PTPRN2: variants seen among roughly 807,000 people sequenced by gnomAD.
PTPRN2 encodes receptor-type tyrosine-protein phosphatase N2.
A neutral mutation model predicts 118.8 loss-of-function variants in PTPRN2; 74 were observed. The observed-to-expected ratio is 0.62, with a 90% CI of 0.52 to 0.76. The LOEUF (loss-of-function observed/expected upper bound fraction) is 0.76, where lower values mean the gene tolerates loss of function less well. PTPRN2 is among the 30% of genes least tolerant of loss of function. The probability of loss-of-function intolerance (pLI) is 0.00; values close to 1 mark genes in which losing one functional copy is unlikely to be tolerated. For missense variants in PTPRN2, 1,481 were observed against 1,394.4 expected (o/e 1.06, Z -0.99); for synonymous variants, 641 against 608.0 (o/e 1.05, Z -0.80).
chr7:158,151,846 CCATCTATGTTAGAAGGAACAGG>C (rs1447951287), intron 6 of PTPRN2, among the ~76,000 whole-genome samples: 1 of 152,214 alleles, frequency 6.6e-6, no homozygotes, highest in Non-Finnish European at 1.5e-5. Flanking sequence ...TGTGTGACTT[CCATCTATGTTAGAAGGAACAGG>C]AAACAAATAA....
At chr7:157,727,778 C>G (rs150231457) in intron 12 of PTPRN2, among the ~76,000 whole-genome samples, 1 of 152,186 alleles carries the variant, frequency 6.6e-6, no homozygotes, top group Non-Finnish European at 1.5e-5. Flanking sequence ...AGGCGTGAGC[C>G]GTGAGCAGTG....
At chr7:158,301,978 T>C (rs1304590950) in intron 3 of PTPRN2, among the ~76,000 whole-genome samples, 6 of 152,140 alleles carry the variant, frequency 3.9e-5, no homozygotes, top group Non-Finnish European at 8.8e-5. Flanking sequence ...TCCCATGAGA[T>C]GGTATGACCT....
intron 11 of PTPRN2, among the ~76,000 whole-genome samples, chr7:157,922,179 T>G (rs1002372343): frequency 6.6e-6 from 1 of 152,218 alleles, no homozygotes; most frequent in Non-Finnish European, 1.5e-5. Context: ...GCAGTGAAAC[T>G]TTCAGGAGAA....
At chr7:158,425,035 A>G (rs1263050439) in intron 2 of PTPRN2, among the ~76,000 whole-genome samples, 1 of 152,224 alleles carries the variant, frequency 6.6e-6, no homozygotes, top group Non-Finnish European at 1.5e-5. Flanking sequence ...GACTGTCGGT[A>G]AAGGAGGGGA....
intron 10 of PTPRN2, among the ~76,000 whole-genome samples, chr7:158,091,948 T>A (rs11978087): frequency 0.09 from 842 of 9,378 alleles, no homozygotes; most frequent in Non-Finnish European, 0.11. Context: ...GGGTGAGGGA[T>A]CGGTGATAGA....
At chr7:158,168,456 T>G (rs1039676596) in intron 5 of PTPRN2, among the ~76,000 whole-genome samples, 3 of 152,240 alleles carry the variant, frequency 2.0e-5, no homozygotes, top group Admixed American at 2.0e-4. Flanking sequence ...TTGTATTTTT[T>G]GCCTGCACTG....
intron 4 of PTPRN2, among the ~76,000 whole-genome samples, chr7:158,193,465 C>A (rs1264420381): frequency 6.6e-6 from 1 of 152,126 alleles, no homozygotes; most frequent in East Asian, 1.9e-4. Flanking sequence ...CCAACAGGCC[C>A]CGGAGAGACA....
intron 12 of PTPRN2, among the ~76,000 whole-genome samples, chr7:157,782,983 G>A (rs953240482): frequency 1.9e-4 from 29 of 152,196 alleles, no homozygotes; most frequent in African/African-American, 6.8e-4. Context: ...GTGACCTGGT[G>A]GGAGGTAATT....
intron 3 of PTPRN2, among the ~76,000 whole-genome samples, chr7:158,262,849 C>T (rs1207184488): frequency 2.7e-5 from 4 of 146,090 alleles, no homozygotes; most frequent in African/African-American, 7.7e-5. Context: ...CACACACATA[C>T]ATACATTCAC....
chr7:157,757,622 C>T (rs1025786736), intron 12 of PTPRN2, among the ~76,000 whole-genome samples: 13 of 151,034 alleles, frequency 8.6e-5, no homozygotes, highest in African/African-American at 2.9e-4. Context: ...CGAAGCCGTG[C>T]GTCTTTCACC....
At chr7:157,747,750 C>A (rs1248687637) in intron 12 of PTPRN2, among the ~76,000 whole-genome samples, 1 of 128,900 alleles carries the variant, frequency 7.8e-6, no homozygotes. Context: ...CATCTCTGAG[C>A]TCTGGGCTGT....
At chr7:158,319,628 C>T (rs1446904523) in intron 2 of PTPRN2, among the ~76,000 whole-genome samples, 1 of 99,596 alleles carries the variant, frequency 1.0e-5, no homozygotes. Flanking sequence ...CACAGCCTCC[C>T]TCACACACAC....
chr7:157,568,360 C>T (rs1799590442), intron 21 of PTPRN2, among the ~76,000 whole-genome samples: 1 of 152,164 alleles, frequency 6.6e-6, no homozygotes, highest in African/African-American at 2.4e-5. Context: ...CACAGAGATT[C>T]CCTAGATAAG....
chr7:158,393,449 C>T (rs6459875), intron 2 of PTPRN2, among the ~76,000 whole-genome samples: 83,597 of 152,044 alleles, frequency 0.55, 24,204 homozygotes, highest in African/African-American at 0.7. Context: ...AGCCTCCACA[C>T]AAATGACACA....
intron 12 of PTPRN2, chr7:157,740,602 C>T (rs1403407047): frequency 6.6e-6 from 1 of 152,404 alleles, no homozygotes; most frequent in East Asian, 1.9e-4. Context: ...AGGGGAAACA[C>T]ACAGAGCAAC....
At chr7:157,972,815 C>CATG (rs1802440969) in intron 11 of PTPRN2, among the ~76,000 whole-genome samples, 1 of 124,374 alleles carries the variant, frequency 8.0e-6, no homozygotes, top group Non-Finnish European at 1.8e-5. Context: ...CTTCAGAGAC[C>CATG]GCAGAAACTC....
intron 11 of PTPRN2, among the ~76,000 whole-genome samples, chr7:157,907,468 G>C (rs548293452): frequency 1.4e-5 from 2 of 146,882 alleles, no homozygotes; most frequent in African/African-American, 2.5e-5. Context: ...CCGGGTGGCA[G>C]TATCTCCCTG....
chr7:158,234,000 C>T (rs1291714972), intron 3 of PTPRN2, among the ~76,000 whole-genome samples: 3 of 152,104 alleles, frequency 2.0e-5, no homozygotes, highest in Non-Finnish European at 2.9e-5. Flanking sequence ...AAATATAAGA[C>T]CCGAAACTAT....
intron 10 of PTPRN2, among the ~76,000 whole-genome samples, chr7:158,108,400 C>T (rs1237006954): frequency 6.6e-6 from 1 of 152,150 alleles, no homozygotes; most frequent in Non-Finnish European, 1.5e-5. Context: ...CTGTAGGGTC[C>T]TCTCACTCTA....
Sources: allele counts gnomAD v4.1 joint callset (sites outside exome capture counted in the v4.1 genomes callset), GRCh38; gene constraint gnomAD v4.1.1; transcripts MANE v1.5; gene names NCBI Gene and HGNC (gene_info 2026-07-23, HGNC 2026-07-21).